Variants in FMNL3 observed in about 807,000 individuals in gnomAD.
FMNL3 encodes the protein formin like 3, also known as formin-like protein 3.
Under a neutral mutation model 119.6 loss-of-function variants are expected in FMNL3, and 57 were observed. That is an observed-to-expected ratio of 0.48 (90% CI 0.39 to 0.59). FMNL3 has a LOEUF of 0.59. FMNL3 is among the 20% of genes least tolerant of loss of function. FMNL3 has a pLI of 0.00. For synonymous variants in FMNL3, 491 were observed against 507.3 expected, an observed-to-expected ratio of 0.97 and a Z score of 0.43; for missense variants, 1,053 against 1,323.5, an observed-to-expected ratio of 0.80 and a Z score of 3.17.
At chr12:49,667,516 G>A (rs984947462) in intron 2 of FMNL3, among the ~76,000 whole-genome samples, 1 of 152,208 alleles carries the variant, frequency 6.6e-6, no homozygotes, top group African/African-American at 2.4e-5. Context: ...CAGTGGAACA[G>A]AACAGTTAAC....
rs556766171 is a variant in FMNL3 at position 49,657,075 on chromosome 12, C to T, written c.714+7G>A. 3 of 1,613,270 alleles carry T rather than the reference C, an allele frequency of 1.9e-6. No homozygotes were observed. In the South Asian group the frequency reaches 3.3e-5, roughly 18 times the overall value. The stretch of plus-strand genomic sequence containing the variant: ...TAGAGCACCTATGGCTAGTGCTTCC[C>T]CCTTACCTGATAGTTCATGATGGCT... On this transcript the variant is annotated splice_region_variant and intron_variant, in intron 7 of 25. Transcript: ENST00000335154.
At chr12:49,658,325 G>C (rs974728125) in intron 6 of FMNL3, 117 bp downstream of exon 6, 19 of 1,400,126 alleles carry the variant, frequency 1.4e-5, no homozygotes, top group Admixed American at 5.6e-5. Flanking sequence ...CAGAGGGCAA[G>C]AGAGCTGAGC....
rs1165420335 is a variant in FMNL3, at chr12:49,642,194, C to T, written c.*3621G>A. 5.0e-6 allele frequency: 8 copies of T among 1,613,728 alleles called. No individual in the cohort carries two copies. The highest frequency in any genetic ancestry group is 1.1e-5 in the South Asian group (1 of 91,048). ...ATGCCTGAGTGGGACCTGGCATCCA[C>T]CCTCCTGGGTGACCCTGTTCCGTGT... On this transcript the variant is annotated 3_prime_UTR_variant, in exon 26 of 26. Coordinates refer to ENST00000335154, the MANE Select transcript of FMNL3 (RefSeq NM_175736.5). The surrounding 1 kb of genome is among the most constrained non-coding windows in gnomAD (Gnocchi z 5.8).
At chr12:49,704,582 G>A (rs1257623081) in intron 1 of FMNL3, among the ~76,000 whole-genome samples, 1 of 151,912 alleles carries the variant, frequency 6.6e-6, no homozygotes, top group African/African-American at 2.4e-5. Context: ...TTAGTGGCAC[G>A]CGCCTGTAAT....
intron 9 of FMNL3, among the ~76,000 whole-genome samples, chr12:49,656,061 T>C (rs1278957581): frequency 6.6e-6 from 1 of 151,928 alleles, no homozygotes; most frequent in African/African-American, 2.4e-5. Context: ...TAAGTACATA[T>C]ACTCAGGCCT....
At chr12:49,652,279 G>T (rs1339010408) in intron 13 of FMNL3, 67 bp from the exon 14 acceptor site, 1 of 1,534,252 alleles carries the variant, frequency 6.5e-7, no homozygotes, top group Non-Finnish European at 8.8e-7. Flanking sequence ...CCAAGAGTGA[G>T]AATTCCTACC....
rs534792513 is a variant in FMNL3, at chr12:49,655,159, C to T, written c.886-175G>A. ...ATAAAAGAAAACCTGGGGCCAGGCGCGGTGGCTCACACCTATAATCCCAGC... is the reference window on the plus strand; with the variant it reads ...ATAAAAGAAAACCTGGGGCCAGGCGTGGTGGCTCACACCTATAATCCCAGC... On this transcript the variant is annotated intron_variant, in intron 9 of 25. Transcript: ENST00000335154. 1.3e-4 allele frequency among the ~76,000 whole-genome samples: 20 copies of T among 152,236 alleles called. 1 individual carries two copies. Among genetic ancestry groups the T allele is most frequent in the East Asian group, 1.9e-4 (1 of 5,174 alleles).
chr12:49,645,184 CAG>C lies in FMNL3; in HGVS notation c.*629_*630del, dbSNP rs1943129987. The C allele has an allele frequency of 6.6e-6, 1 of 151,086 alleles. No individual in the cohort carries two copies. Among genetic ancestry groups the C allele is most frequent in the Admixed American group, 6.6e-5 (1 of 15,216 alleles). 9.4% of individuals were successfully genotyped at this position (151,086 alleles called of 1,614,324 possible). A position where few individuals can be genotyped will look rare whatever the true frequency, so the allele number is the denominator to read the frequency against. On this transcript the variant is annotated 3_prime_UTR_variant, in exon 26 of 26. Transcript: ENST00000335154. ...GGCACACCCTTTCTCCAGCCATCTG[CAG>C]AGAGTGGTTGGTGCAGAGAAGACCT...
At position 49,650,789 on chromosome 12, in the gene FMNL3, C is replaced by T. The variant is rs180726148; in HGVS notation, c.1887G>A (p.Ala629=). The change falls in exon 17 of 26, where the codon GCG becomes GCA. Residue 629 remains alanine, a synonymous_variant. Coordinates refer to ENST00000335154, the MANE Select transcript of FMNL3 (RefSeq NM_175736.5). The part of the protein sequence containing the change: ...LDLICSKNKT[A]QKAASKVTLL... ...GAGTCACCTTGCTGGCAGCTTTTTG[C>T]GCTGTCTTGTTTTTGGAGCAGATGA... is the stretch of plus-strand genomic sequence containing the variant. 1.9e-3 allele frequency: 3,028 copies of T among 1,614,182 alleles called. 7 individuals carry two copies. The highest frequency in any genetic ancestry group is 6.3e-3 in the Middle Eastern group (38 of 6,062).
rs771137303 is a variant in FMNL3, at chr12:49,637,508, C to T, written c.*8307G>A. 2 of 1,613,876 alleles carry T rather than the reference C, an allele frequency of 1.2e-6. No homozygotes were observed. Among genetic ancestry groups the T allele is most frequent in the South Asian group, 1.1e-5 (1 of 91,088 alleles). On this transcript the variant is annotated 3_prime_UTR_variant, in exon 26 of 26. Coordinates refer to ENST00000335154, the MANE Select transcript of FMNL3 (RefSeq NM_175736.5). ...AGCTGCATGAGACAGGGCAGCTGCA[C>T]TCTATGTCCACCTGGATGGAGCTAT...
chr12:49,672,827 C>T (rs1055166898), intron 1 of FMNL3, among the ~76,000 whole-genome samples: 13 of 152,198 alleles, frequency 8.5e-5, no homozygotes, highest in Non-Finnish European at 1.6e-4. Context: ...CTTCTTGAGC[C>T]AGGCCTGGGG....
chr12:49,656,938 G>A (rs777126149), intron 7 of FMNL3, 39 bp from the exon 8 acceptor site: 2 of 1,575,346 alleles, frequency 1.3e-6, no homozygotes, highest in Non-Finnish European at 1.7e-6. Context: ...CCTTGATGGT[G>A]GGGAAGGGGG....
At chr12:49,652,861 A>C (rs925387265) in intron 13 of FMNL3, among the ~76,000 whole-genome samples, 4 of 152,182 alleles carry the variant, frequency 2.6e-5, no homozygotes, top group Non-Finnish European at 5.9e-5. Context: ...CCTAATACAC[A>C]GAGCACTTGG....
intron 4 of FMNL3, among the ~76,000 whole-genome samples, chr12:49,664,840 G>A (rs578163981): frequency 6.6e-6 from 1 of 152,242 alleles, no homozygotes; most frequent in South Asian, 2.1e-4. Context: ...CCTGGGGGCG[G>A]ATGAGGGCTG....
In FMNL3 at chr12:49,647,979, T is replaced by G. The variant is rs1943262406; in HGVS notation, c.2677-175A>C. ...GGCTCCCAAAGCTCCTGAGTATGAGTCTCCAGAGGCAGCTGCCTGGCACTC... is the reference window on the plus strand; with the variant it reads ...GGCTCCCAAAGCTCCTGAGTATGAGGCTCCAGAGGCAGCTGCCTGGCACTC... On this transcript the variant is annotated intron_variant, in intron 22 of 25. Coordinates refer to ENST00000335154, the MANE Select transcript of FMNL3 (RefSeq NM_175736.5). The surrounding 1 kb of genome is among the most constrained non-coding windows in gnomAD (Gnocchi z 4.9). Among the ~76,000 whole-genome samples, 1 of 151,258 alleles carries G rather than the reference T, an allele frequency of 6.6e-6. No individual in the cohort carries two copies. The highest frequency in any genetic ancestry group is 2.1e-4 in the South Asian group (1 of 4,792).
At position 49,652,123 on chromosome 12, in the gene FMNL3, C is replaced by T; in HGVS notation, c.1413G>A (p.Leu471=). ...KEEAFQRRCH[L]EPNVRGLESV... ...ACTCCAGGCCCCGGACATTTGGCTC[C>T]AAATGACATCGACGCTGAAAGGCCT... The change falls in exon 14 of 26, where the codon TTG becomes TTA. Residue 471 remains leucine, a synonymous_variant. Transcript: ENST00000335154. 1 of 1,613,222 alleles carries T rather than the reference C, an allele frequency of 6.2e-7. No individual in the cohort carries two copies. Among genetic ancestry groups the T allele is most frequent in the South Asian group, 1.1e-5 (1 of 90,756 alleles).
chr12:49,676,670 C>A (rs1944199839), intron 1 of FMNL3, among the ~76,000 whole-genome samples: 1 of 152,058 alleles, frequency 6.6e-6, no homozygotes, highest in African/African-American at 2.4e-5. Context: ...TCCTACCACT[C>A]CTACCACCAA....
At position 49,643,521 on chromosome 12, in the gene FMNL3, A is replaced by G. The variant is rs1942947382; in HGVS notation, c.*2294T>C. On this transcript the variant is annotated 3_prime_UTR_variant, in exon 26 of 26. Coordinates refer to ENST00000335154, the MANE Select transcript of FMNL3 (RefSeq NM_175736.5). ...GGGAGGGCTGCACCTGTGGAAGTAG[A>G]AAGAACTTCCTCTACCTGCCCAAGC... 2 of 1,396,002 alleles carry G rather than the reference A, an allele frequency of 1.4e-6. No individual in the cohort carries two copies. The highest frequency in any genetic ancestry group is 1.9e-6 in the Non-Finnish European group (2 of 1,035,412). The allele number at this position is 1,396,002 out of a possible 1,614,324, so 86.5% of individuals were successfully genotyped here.
rs749829489 is a variant in FMNL3, at chr12:49,645,852, G to A, written c.3047C>T (p.Pro1016Leu). ...TGGAGCCCGAGGGGGACCACTGGGC[G>A]GTGCAGCACTCCTGGCTTGGTGGCG... ...VVRHQARSAA[P>L]PSGPPRAPGP... Residue 1016 changes from proline (P) to leucine (L), a missense_variant, in exon 26 of 26, where the codon CCG (proline) becomes CTG (leucine). By Grantham distance (98) the Pro-to-Leu change is moderately conservative. Coordinates refer to ENST00000335154, the MANE Select transcript of FMNL3 (RefSeq NM_175736.5). The A allele has an allele frequency of 4.9e-5, 78 of 1,607,922 alleles. No individual in the cohort carries two copies. Among genetic ancestry groups the A allele is most frequent in the Non-Finnish European group, 6.2e-5 (73 of 1,177,928 alleles).
Sources: allele counts gnomAD v4.1 joint callset (sites outside exome capture counted in the v4.1 genomes callset), GRCh38; gene constraint gnomAD v4.1.1; non-coding constraint Gnocchi (gnomAD v3.1); transcripts MANE v1.5; gene names NCBI Gene and HGNC (gene_info 2026-07-23, HGNC 2026-07-21).